SLC14A2: variants seen among roughly 807,000 people sequenced by gnomAD.
SLC14A2 encodes the protein urea transporter 2.
SLC14A2 carries 91 observed loss-of-function variants against 104.6 expected under a neutral mutation model. The observed-to-expected ratio is 0.87, with a 90% CI of 0.73 to 1.04. SLC14A2 has a LOEUF of 1.04. Ranked by LOEUF, SLC14A2 falls within the 50% of genes least tolerant of loss-of-function variation. The pLI, the probability that SLC14A2 is intolerant of heterozygous loss-of-function variation, is 0.00. For synonymous variants in SLC14A2, 476 were observed against 466.4 expected, an observed-to-expected ratio of 1.02 and a Z score of -0.27; for missense variants, 1,189 against 1,156.0, an observed-to-expected ratio of 1.03 and a Z score of -0.41.
intron 1 of SLC14A2, among the ~76,000 whole-genome samples, chr18:45,451,939 T>C (rs2086864453): frequency 1.3e-5 from 2 of 152,198 alleles, no homozygotes; most frequent in Non-Finnish European, 1.5e-5. Context: ...AACCAGAACA[T>C]GGTTAATCAG....
chr18:45,453,008 C>T (rs1368034066), intron 1 of SLC14A2, among the ~76,000 whole-genome samples: 3 of 152,204 alleles, frequency 2.0e-5, no homozygotes, highest in Non-Finnish European at 2.9e-5. Context: ...CAACCCCGGA[C>T]ATCTTAGAGA....
intron 2 of SLC14A2, 138 bp downstream of exon 2, chr18:45,624,952 T>C: frequency 1.2e-6 from 1 of 812,180 alleles, no homozygotes; most frequent in Non-Finnish European, 1.9e-6. Flanking sequence ...GTGACACCCA[T>C]GGTGGGTCCT....
At chr18:45,316,381 G>A (rs754616879) in intron 1 of SLC14A2, among the ~76,000 whole-genome samples, 27 of 152,174 alleles carry the variant, frequency 1.8e-4, no homozygotes, top group African/African-American at 3.9e-4. Context: ...AGAGGAGGTC[G>A]GAGTGTGGGA....
At chr18:45,523,888 A>C (rs1324419400) in intron 2 of SLC14A2, among the ~76,000 whole-genome samples, 1 of 152,196 alleles carries the variant, frequency 6.6e-6, no homozygotes, top group Non-Finnish European at 1.5e-5. Flanking sequence ...TTTAACCCTC[A>C]CATCTGTCCT....
chr18:45,191,537 T>G, the SLC14A2 span, among the ~76,000 whole-genome samples: 1 of 152,212 alleles, frequency 6.6e-6, no homozygotes, highest in South Asian at 2.1e-4. Context: ...AATGACATTT[T>G]AAGTGTTCAA....
At chr18:45,624,024 GGTGGTACGGGGACAGGAGCCCCAT>G (rs1010558121) in intron 1 of SLC14A2, among the ~76,000 whole-genome samples, 1 of 152,132 alleles carries the variant, frequency 6.6e-6, no homozygotes, top group Non-Finnish European at 1.5e-5. Flanking sequence ...CCCTGACCCT[GGTGGTACGGGGACAGGAGCCCCAT>G]GTGGAAGGGA....
intron 2 of SLC14A2, among the ~76,000 whole-genome samples, chr18:45,578,140 A>G (rs924862366): frequency 3.3e-5 from 5 of 152,006 alleles, no homozygotes; most frequent in African/African-American, 4.8e-5. Flanking sequence ...TCCTTTAACC[A>G]TTCAAGTCCT....
At chr18:45,201,499 T>G in the SLC14A2 span, among the ~76,000 whole-genome samples, 30 of 152,100 alleles carry the variant, frequency 2.0e-4, no homozygotes, top group African/African-American at 7.0e-4. Context: ...TGGAAGCTCT[T>G]GGCTCTTGTG....
At chr18:45,255,492 G>T (rs1373266310) in intron 1 of SLC14A2, among the ~76,000 whole-genome samples, 1 of 152,198 alleles carries the variant, frequency 6.6e-6, no homozygotes, top group African/African-American at 2.4e-5. Context: ...CTTTGCCAGA[G>T]AATCACAGAC....
chr18:45,264,089 G>T (rs556564381), intron 1 of SLC14A2, among the ~76,000 whole-genome samples: 1 of 152,094 alleles, frequency 6.6e-6, no homozygotes, highest in African/African-American at 2.4e-5. Context: ...AGAATCAAAG[G>T]TGTCATTATG....
At chr18:45,263,643 C>T (rs992265509) in intron 1 of SLC14A2, among the ~76,000 whole-genome samples, 24 of 152,130 alleles carry the variant, frequency 1.6e-4, no homozygotes, top group African/African-American at 5.8e-4. Context: ...GAAGGAAGAG[C>T]TGTTGTTTCT....
chr18:45,542,035 GTTTTT>G (rs60977948), intron 2 of SLC14A2, among the ~76,000 whole-genome samples: 2,175 of 54,152 alleles, frequency 0.04, 89 homozygotes, highest in African/African-American at 0.11. Context: ...AAGAGAGAGG[GTTTTT>G]TTTTTTTTTT....
chr18:45,610,695 G>C (rs1180839831), upstream of SLC14A2, among the ~76,000 whole-genome samples: 1 of 152,200 alleles, frequency 6.6e-6, no homozygotes, highest in Non-Finnish European at 1.5e-5. Context: ...GGTAGGCTTT[G>C]CAAAACTCTG....
chr18:45,599,278 C>A (rs1489787170), intron 2 of SLC14A2, among the ~76,000 whole-genome samples: 1 of 152,200 alleles, frequency 6.6e-6, no homozygotes, highest in Non-Finnish European at 1.5e-5. Context: ...CTGCCTCCCT[C>A]TTGATCAAGG....
intron 1 of SLC14A2, among the ~76,000 whole-genome samples, chr18:45,386,766 T>C (rs891702285): frequency 2.6e-5 from 4 of 152,198 alleles, no homozygotes; most frequent in Non-Finnish European, 5.9e-5. Flanking sequence ...CCTCAAACTG[T>C]TGATTAACCT....
chr18:45,204,545 ATT>A, the SLC14A2 span, among the ~76,000 whole-genome samples: 1 of 152,198 alleles, frequency 6.6e-6, no homozygotes, highest in Non-Finnish European at 1.5e-5. Context: ...GAGACTATGT[ATT>A]CTTATTTTGT....
intron 2 of SLC14A2, among the ~76,000 whole-genome samples, chr18:45,574,165 C>T (rs907678934): frequency 6.6e-6 from 1 of 152,104 alleles, no homozygotes; most frequent in Non-Finnish European, 1.5e-5. Context: ...CAGGAAGGAA[C>T]CTGCTTGCCT....
intron 1 of SLC14A2, among the ~76,000 whole-genome samples, chr18:45,467,057 T>A (rs1833414): frequency 0.22 from 34,021 of 152,070 alleles, 4,083 homozygotes; most frequent in Non-Finnish European, 0.27. Context: ...CAACCCCCAA[T>A]GAACCCACAG....
chr18:45,415,898 C>T (rs963680043), intron 1 of SLC14A2, among the ~76,000 whole-genome samples: 1 of 152,118 alleles, frequency 6.6e-6, no homozygotes, highest in African/African-American at 2.4e-5. Context: ...CTGAAAAAGC[C>T]ATTTGTTCCC....
Sources: allele counts gnomAD v4.1 joint callset (sites outside exome capture counted in the v4.1 genomes callset), GRCh38; gene constraint gnomAD v4.1.1; transcripts MANE v1.5; gene names NCBI Gene and HGNC (gene_info 2026-07-23, HGNC 2026-07-21).